Variants in DGKB observed in about 807,000 individuals in gnomAD.
The protein encoded by DGKB is 90 kDa diacylglycerol kinase.
A neutral mutation model predicts 114.3 loss-of-function variants in DGKB; 67 were observed. The observed-to-expected ratio is 0.59, with a 90% confidence interval of 0.48 to 0.72. The LOEUF is 0.72. Ranked by LOEUF, DGKB falls within the 30% of genes least tolerant of loss-of-function variation. DGKB has a pLI of 0.00. For missense variants in DGKB, 907 were observed against 975.2 expected, an observed-to-expected ratio of 0.93 and a Z score of 0.93; for synonymous variants, 398 against 323.1, an observed-to-expected ratio of 1.23 and a Z score of -2.49.
intron 22 of DGKB, among the ~76,000 whole-genome samples, chr7:14,340,528 A>C (rs1811441868): frequency 1.3e-5 from 2 of 151,504 alleles, no homozygotes; most frequent in African/African-American, 4.8e-5. Flanking sequence ...CCCACAAAGA[A>C]GTCTTCATTC....
At chr7:14,450,550 T>C (rs1229706974) in intron 21 of DGKB, among the ~76,000 whole-genome samples, 2 of 152,016 alleles carry the variant, frequency 1.3e-5, no homozygotes, top group East Asian at 1.9e-4. Context: ...AGACAAGAGA[T>C]TGGATATCAG....
At chr7:14,531,781 C>A (rs971422330) in intron 20 of DGKB, among the ~76,000 whole-genome samples, 1 of 150,896 alleles carries the variant, frequency 6.6e-6, no homozygotes, top group African/African-American at 2.4e-5. Context: ...GATTTAGAAA[C>A]TTTCTACAGA....
At chr7:14,600,838 A>G (rs902378349) in intron 17 of DGKB, among the ~76,000 whole-genome samples, 1 of 152,156 alleles carries the variant, frequency 6.6e-6, no homozygotes, top group Non-Finnish European at 1.5e-5. Flanking sequence ...CATTCCTTCC[A>G]TGGCTGTGCT....
chr7:14,409,113 T>C (rs981657607), intron 21 of DGKB, among the ~76,000 whole-genome samples: 12 of 152,140 alleles, frequency 7.9e-5, no homozygotes, highest in Admixed American at 7.9e-4. Context: ...TAAAATTAAC[T>C]GTAGTACATA....
At chr7:14,887,575 A>G (rs1254482504) in intron 1 of DGKB, among the ~76,000 whole-genome samples, 1 of 151,726 alleles carries the variant, frequency 6.6e-6, no homozygotes, top group African/African-American at 2.4e-5. Flanking sequence ...ACCACTGTCT[A>G]CTTAACATCA....
At chr7:14,721,139 A>G (rs149879590) in intron 5 of DGKB, among the ~76,000 whole-genome samples, 3 of 152,360 alleles carry the variant, frequency 2.0e-5, no homozygotes, top group African/African-American at 4.8e-5. Flanking sequence ...AGAACAAAAC[A>G]AAAAAGAAAG....
chr7:14,622,260 A>C (rs918507671), intron 14 of DGKB, among the ~76,000 whole-genome samples: 1 of 151,870 alleles, frequency 6.6e-6, no homozygotes, highest in Admixed American at 6.6e-5. Context: ...TCTTTCTCTG[A>C]GCTCTCTTCT....
At chr7:14,156,171 G>C (rs1782989208) in intron 25 of DGKB, among the ~76,000 whole-genome samples, 3 of 152,216 alleles carry the variant, frequency 2.0e-5, no homozygotes, top group Admixed American at 2.0e-4. Flanking sequence ...TAATTAGGGT[G>C]AAACCTTCAA....
chr7:14,900,799 G>C (rs1028368248), intron 1 of DGKB, among the ~76,000 whole-genome samples: 2 of 152,046 alleles, frequency 1.3e-5, no homozygotes, highest in African/African-American at 2.4e-5. Flanking sequence ...AACTACATAA[G>C]TTTCTAGATT....
At position 14,516,092 on chromosome 7, in the gene DGKB, C is replaced by T. The variant is rs139357815; in HGVS notation, c.1771-37867G>A. ...CATACTCCTGAGCTCAAGCAATCTG[C>T]CCACCTTGGCCTCCCAAAGTGCTAG... On this transcript the variant is annotated intron_variant, in intron 20 of 25. Coordinates refer to ENST00000402815, the MANE Select transcript of DGKB (RefSeq NM_001350709.2). Among the ~76,000 whole-genome samples, 848 of 152,210 alleles carry T rather than the reference C, an allele frequency of 5.6e-3. 5 individuals carry two copies. The highest frequency in any genetic ancestry group is 0.019 in the African/African-American group (794 of 41,516).
Position 14,704,460 on chromosome 7 carries a change from A to AAAAG in DGKB, c.467-2731_467-2730insCTTT, listed in dbSNP as rs1241057524. On this transcript the variant is annotated intron_variant, in intron 6 of 25. Transcript: ENST00000402815. Reference sequence around the variant, plus strand: ...GAGACTCCATCTCAAAAAAAAAAAAAAAAAGAAAAAAGAAAAAAAGGGGGA... The same window carrying AAAAG: ...GAGACTCCATCTCAAAAAAAAAAAAAAAAGAAAAGAAAAAAGAAAAAAAGGGGGA... 2.9e-3 allele frequency among the ~76,000 whole-genome samples: 434 copies of AAAAG among 149,998 alleles called. 5 individuals carry two copies. The highest frequency in any genetic ancestry group is 0.011 in the African/African-American group (429 of 39,942).
At chr7:14,310,917 C>A (rs989699294) in intron 23 of DGKB, among the ~76,000 whole-genome samples, 3 of 152,004 alleles carry the variant, frequency 2.0e-5, no homozygotes, top group African/African-American at 7.2e-5. Context: ...TGCTTTGAGA[C>A]CAAGAGTTTG....
chr7:14,782,774 A>G (rs1369493566), intron 2 of DGKB, among the ~76,000 whole-genome samples: 1 of 152,164 alleles, frequency 6.6e-6, no homozygotes, highest in Admixed American at 6.5e-5. Flanking sequence ...GTGTAAAGGC[A>G]AAGTGGAAGA....
chr7:14,672,832 A>G (rs1819195295), intron 13 of DGKB, 97 bp downstream of exon 13: 6 of 659,362 alleles, frequency 9.1e-6, no homozygotes, highest in Non-Finnish European at 1.6e-5. Flanking sequence ...TTCTACCTTG[A>G]TTGATGAAAA....
intron 1 of DGKB, among the ~76,000 whole-genome samples, chr7:14,950,940 C>T (rs1298166529): frequency 1.3e-5 from 2 of 151,568 alleles, no homozygotes; most frequent in Non-Finnish European, 2.9e-5. Flanking sequence ...TGGTTTACAT[C>T]CAAACATCAT....
chr7:14,346,846 A>T (rs1812559125), intron 21 of DGKB, among the ~76,000 whole-genome samples: 1 of 151,998 alleles, frequency 6.6e-6, no homozygotes, highest in African/African-American at 2.4e-5. Context: ...AGATGGAGAG[A>T]AAAATATTGG....
At chr7:14,572,072 T>G (rs1798465521) in intron 20 of DGKB, among the ~76,000 whole-genome samples, 1 of 152,122 alleles carries the variant, frequency 6.6e-6, no homozygotes, top group Non-Finnish European at 1.5e-5. Flanking sequence ...AGGTCTCTGA[T>G]GGGGCACAGA....
At chr7:14,410,040 T>C (rs977586405) in intron 21 of DGKB, among the ~76,000 whole-genome samples, 6 of 152,044 alleles carry the variant, frequency 3.9e-5, no homozygotes, top group African/African-American at 1.4e-4. Context: ...TAAAGATAGA[T>C]TTTTGACTGT....
intron 23 of DGKB, among the ~76,000 whole-genome samples, chr7:14,323,841 G>GTCCA (rs1808259201): frequency 6.6e-6 from 1 of 152,096 alleles, no homozygotes; most frequent in African/African-American, 2.4e-5. Flanking sequence ...CTTGTTATCT[G>GTCCA]TCCATTAAAT....
Sources: allele counts gnomAD v4.1 joint callset (sites outside exome capture counted in the v4.1 genomes callset), GRCh38; gene constraint gnomAD v4.1.1; transcripts MANE v1.5; gene names NCBI Gene and HGNC (gene_info 2026-07-23, HGNC 2026-07-21).